Variants in SNX9 observed in about 807,000 individuals in gnomAD.
SNX9 encodes sorting nexin 9, also known as sorting nexin-9.
In SNX9, 44 loss-of-function variants were observed where a neutral mutation model predicts 89.4. The observed-to-expected ratio is 0.49, with a 90% confidence interval of 0.39 to 0.63. SNX9 has a LOEUF of 0.63. Among genes scored for constraint, SNX9 ranks in the 30% least tolerant of loss-of-function variants. SNX9 has a pLI of 0.00. For synonymous variants in SNX9, 236 were observed against 247.8 expected (o/e 0.95, Z 0.45); for missense variants, 578 against 736.1 (o/e 0.79, Z 2.49).
intron 6 of SNX9, among the ~76,000 whole-genome samples, chr6:157,903,268 A>G (rs1004418179): frequency 1.4e-5 from 2 of 144,798 alleles, no homozygotes; most frequent in South Asian, 2.1e-4. Flanking sequence ...AATTAAAAAC[A>G]TAACATTTGA....
intron 7 of SNX9, among the ~76,000 whole-genome samples, chr6:157,907,278 T>TTTTG (rs3838668): frequency 0.21 from 32,555 of 151,604 alleles, 3,525 homozygotes; most frequent in Non-Finnish European, 0.23. Context: ...AGTTTTGTTT[T>TTTTG]TTTGTTTGTT....
At chr6:157,937,589 C>T (rs1783952292) in intron 15 of SNX9, 66 bp downstream of exon 15, 1 of 1,065,870 alleles carries the variant, frequency 9.4e-7, no homozygotes, top group Non-Finnish European at 1.4e-6. Flanking sequence ...GCGCAGTAGT[C>T]AGTATTGGTT....
At chr6:157,893,072 A>G (rs1562607567) in intron 4 of SNX9, among the ~76,000 whole-genome samples, 1 of 152,202 alleles carries the variant, frequency 6.6e-6, no homozygotes, top group African/African-American at 2.4e-5. Flanking sequence ...TTCTTATTTG[A>G]AAAAACTTGT....
chr6:157,910,197 A>G (rs1583231697), intron 9 of SNX9, among the ~76,000 whole-genome samples, 172 bp downstream of exon 9: 1 of 152,240 alleles, frequency 6.6e-6, no homozygotes, highest in East Asian at 1.9e-4. Flanking sequence ...TTGTACATCT[A>G]TCTGGAAGTT....
chr6:157,874,524 G>C (rs965750094), intron 3 of SNX9: 6 of 152,178 alleles, frequency 3.9e-5, no homozygotes, highest in Admixed American at 3.9e-4. Flanking sequence ...AGATCCTGCA[G>C]GCAGAAAATC....
intron 3 of SNX9, among the ~76,000 whole-genome samples, chr6:157,873,791 G>A (rs919888218): frequency 2.0e-5 from 3 of 152,004 alleles, no homozygotes; most frequent in African/African-American, 4.8e-5. Flanking sequence ...CATAGACAGA[G>A]GGGTGTCTTG....
At chr6:157,929,969 C>G (rs1368966671) in intron 12 of SNX9, among the ~76,000 whole-genome samples, 3 of 152,192 alleles carry the variant, frequency 2.0e-5, no homozygotes, top group Non-Finnish European at 2.9e-5. Context: ...TTGGAACACA[C>G]CCATGCCCAT....
intron 4 of SNX9, among the ~76,000 whole-genome samples, chr6:157,876,182 C>T (rs938006662): frequency 6.6e-6 from 1 of 152,038 alleles, no homozygotes; most frequent in African/African-American, 2.4e-5. Context: ...GGCACAGTGG[C>T]TCACGCCTGT....
intron 1 of SNX9, among the ~76,000 whole-genome samples, chr6:157,858,487 G>T (rs1329177835): frequency 2.0e-5 from 3 of 152,110 alleles, no homozygotes; most frequent in South Asian, 2.1e-4. Context: ...TTCCCAAAGT[G>T]CTGGGATTAC....
chr6:157,873,170 C>T lies in SNX9; in HGVS notation c.168C>T (p.Tyr56=), dbSNP rs1689737123. The T allele has an allele frequency of 3.1e-6, 5 of 1,587,364 alleles. No homozygotes were observed. The highest frequency in any genetic ancestry group is 2.2e-5 in the East Asian group (1 of 44,502). ...KGERGLVPTD[Y]VEILPSDGKD... ...AACGAGGGCTGGTTCCCACAGACTA[C>T]GTTGAAGTAAGAGCTTCCTGTCATT... Residue 56 remains tyrosine, a synonymous_variant, in exon 3 of 18, where the codon TAC becomes TAT. Coordinates refer to ENST00000392185, the MANE Select transcript of SNX9 (RefSeq NM_016224.5).
chr6:157,884,529 CTTA>C (rs1253673161), intron 4 of SNX9, among the ~76,000 whole-genome samples: 1 of 152,124 alleles, frequency 6.6e-6, no homozygotes, highest in Non-Finnish European at 1.5e-5. Context: ...CTCGTAATTG[CTTA>C]TTGAGACTTT....
chr6:157,871,499 C>T (rs553855402), intron 2 of SNX9, among the ~76,000 whole-genome samples: 1 of 149,978 alleles, frequency 6.7e-6, no homozygotes, highest in East Asian at 2.0e-4. Context: ...GGACACAGGG[C>T]GGGGAACGTC....
intron 14 of SNX9, 109 bp downstream of exon 14, chr6:157,936,149 T>G (rs1562624710): frequency 1.4e-6 from 1 of 731,940 alleles, no homozygotes; most frequent in East Asian, 3.0e-5. Flanking sequence ...CCCTCTTCTT[T>G]TCTGTTTCTG....
intron 1 of SNX9, among the ~76,000 whole-genome samples, chr6:157,845,805 G>C (rs1223794606): frequency 6.6e-6 from 1 of 152,180 alleles, no homozygotes; most frequent in Non-Finnish European, 1.5e-5. Flanking sequence ...GTTGGAGTAT[G>C]GTTCTTGTGA....
At chr6:157,865,918 C>T (rs1014468470) in intron 1 of SNX9, among the ~76,000 whole-genome samples, 2 of 152,288 alleles carry the variant, frequency 1.3e-5, no homozygotes, top group South Asian at 4.1e-4. Context: ...GTTAGACTAG[C>T]CCTGTCGCTA....
chr6:157,935,508 C>T (rs1783905090), intron 13 of SNX9, among the ~76,000 whole-genome samples: 1 of 152,010 alleles, frequency 6.6e-6, no homozygotes, highest in African/African-American at 2.4e-5. Context: ...TTCAACACCC[C>T]ACGAAAAGAA....
chr6:157,840,462 TCCTTC>T, intron 1 of SNX9, among the ~76,000 whole-genome samples: 3 of 151,996 alleles, frequency 2.0e-5, no homozygotes, highest in African/African-American at 4.8e-5. Context: ...CTTCCTTCCT[TCCTTC>T]TCCCTTCTCT....
At chr6:157,863,878 A>T (rs150403625) in intron 1 of SNX9, among the ~76,000 whole-genome samples, 1 of 152,346 alleles carries the variant, frequency 6.6e-6, no homozygotes, top group East Asian at 1.9e-4. Flanking sequence ...TTGACATGTT[A>T]TACTTATTTG....
chr6:157,943,995 G>GT lies in SNX9; in HGVS notation c.*1157_*1158insT, dbSNP rs1562628059. ...GGTTGGAGAGAAAGAACAGACCAGC[G>GT]CCCTTCCCGACTACATCCGAAACTT... is the stretch of plus-strand genomic sequence containing the variant. On this transcript the variant is annotated 3_prime_UTR_variant, in exon 18 of 18. Coordinates refer to ENST00000392185, the MANE Select transcript of SNX9 (RefSeq NM_016224.5). The GT allele has an allele frequency of 6.6e-6, 1 of 152,410 alleles. No individual in the cohort carries two copies. Among genetic ancestry groups the GT allele is most frequent in the African/African-American group, 2.4e-5 (1 of 41,440 alleles). The allele number at this position is 152,410 out of a possible 1,614,324, so 9.4% of individuals were successfully genotyped here. A position where few individuals can be genotyped will look rare whatever the true frequency, so the allele number is the denominator to read the frequency against.
Sources: allele counts gnomAD v4.1 joint callset (sites outside exome capture counted in the v4.1 genomes callset), GRCh38; gene constraint gnomAD v4.1.1; transcripts MANE v1.5; gene names NCBI Gene and HGNC (gene_info 2026-07-23, HGNC 2026-07-21).